CNPPD1: variants seen among roughly 807,000 people sequenced by gnomAD.
CNPPD1 encodes protein CNPPD1.
CNPPD1 carries 40 observed loss-of-function variants against 43.7 expected under a neutral mutation model. The observed-to-expected ratio is 0.92, with a 90% CI of 0.71 to 1.19. The LOEUF is 1.19. Ranked by LOEUF, CNPPD1 falls within the 50% of genes most tolerant of loss-of-function variation. The probability of loss-of-function intolerance (pLI) is 0.00; values close to 1 mark genes in which losing one functional copy is unlikely to be tolerated. For synonymous variants in CNPPD1, 208 were observed against 214.3 expected (o/e 0.97, Z 0.26); for missense variants, 511 against 518.5 (o/e 0.99, Z 0.14).
rs1225263548 is a variant in CNPPD1 at position 219,176,888 on chromosome 2, G to C, written c.-60C>G. ...GAAGGAAACGAGTTGTAGGGGGCTC[G>C]CGGAGCTGTCCTTGCCCGCCTGTCC... On this transcript the variant is annotated 5_prime_UTR_variant, in exon 1 of 8. Coordinates refer to ENST00000360507, the MANE Select transcript of CNPPD1 (RefSeq NM_015680.6). 7.0e-7 allele frequency: 1 copy of C among 1,430,418 alleles called. No homozygotes were observed. The highest frequency in any genetic ancestry group is 1.4e-5 in the African/African-American group (1 of 70,194). The allele number at this position is 1,430,418 out of a possible 1,614,324, so 88.6% of individuals were successfully genotyped here.
At position 219,175,217 on chromosome 2, in the gene CNPPD1, C is replaced by T. The variant is rs61153617; in HGVS notation, c.261-109G>A. On this transcript the variant is annotated intron_variant, in intron 3 of 7. Coordinates refer to ENST00000360507, the MANE Select transcript of CNPPD1 (RefSeq NM_015680.6). Reference sequence around the variant, plus strand: ...TCTTATCTTTGGAAAAAAACTATTCCTGGCTGGGCACGGTGGCTCATGTCT... The same window carrying T: ...TCTTATCTTTGGAAAAAAACTATTCTTGGCTGGGCACGGTGGCTCATGTCT... The T allele has an allele frequency of 4.5e-3, 6,308 of 1,386,566 alleles. 257 individuals are homozygous for T. In the African/African-American group the frequency reaches 0.082, roughly 18 times the overall value. 85.9% of individuals were successfully genotyped at this position (1,386,566 alleles called of 1,614,324 possible). A position where few individuals can be genotyped will look rare whatever the true frequency, so the allele number is the denominator to read the frequency against.
chr2:219,177,236 G>A (rs540819308), upstream of CNPPD1: 919 of 170,250 alleles, frequency 5.4e-3, 9 homozygotes, highest in African/African-American at 0.021. Context: ...ATCTGGCCCA[G>A]CCTCCCGCCC....
rs766143630 is a variant in CNPPD1, at chr2:219,173,134, GGA to G, written c.691-8_691-7del. The G allele has an allele frequency of 3.2e-6, 5 of 1,561,638 alleles. No individual in the cohort carries two copies. The highest frequency in any genetic ancestry group is 1.4e-5 in the African/African-American group (1 of 73,446). ...ACAGCTAACAGGCAAGACAGCTGCA[GGA>G]GAGGAGATAAGAAAGAAGGAATCTG... On this transcript the variant is annotated splice_region_variant and splice_polypyrimidine_tract_variant and intron_variant, in intron 7 of 7. Transcript: ENST00000360507.
chr2:219,175,699 T>G, intron 2 of CNPPD1, 27 bp from the exon 3 acceptor site: 2 of 1,608,122 alleles, frequency 1.2e-6, no homozygotes, highest in South Asian at 1.1e-5. Flanking sequence ...GAAGGCCGAG[T>G]GAGCAAACAA....
chr2:219,175,276 G>A (rs1950140821), intron 3 of CNPPD1, among the ~76,000 whole-genome samples, 168 bp from the exon 4 acceptor site: 1 of 152,110 alleles, frequency 6.6e-6, no homozygotes, highest in South Asian at 2.1e-4. Context: ...CAAGGTGGGT[G>A]GACTGACACC....
chr2:219,174,600 C>T (rs764914891), intron 5 of CNPPD1, among the ~76,000 whole-genome samples, 178 bp downstream of exon 5: 29 of 152,092 alleles, frequency 1.9e-4, no homozygotes, highest in East Asian at 7.7e-4. Context: ...TACTGCTCTA[C>T]GAATCTCCAA....
chr2:219,177,164 C>T (rs1479419739), upstream of CNPPD1: 3 of 248,150 alleles, frequency 1.2e-5, no homozygotes, highest in Non-Finnish European at 2.3e-5. Flanking sequence ...CCGCGTCCGC[C>T]CGGCGTTTAC....
At position 219,174,996 on chromosome 2, in the gene CNPPD1, T is replaced by G. The variant is rs746804274; in HGVS notation, c.373A>C (p.Ile125Leu). 1.9e-6 allele frequency: 3 copies of G among 1,613,812 alleles called. No individual in the cohort carries two copies. The highest frequency in any genetic ancestry group is 1.7e-5 in the Admixed American group (1 of 59,992). ...GGGAGGGGGTGTCTTACCATGGAGATCAGGAACAAGTCAGAGGATGACACA... is the reference window on the plus strand; with the variant it reads ...GGGAGGGGGTGTCTTACCATGGAGAGCAGGAACAAGTCAGAGGATGACACA... ...QHVSSSDLFLISMMVASKYLY... is the reference protein window; with the variant it reads ...QHVSSSDLFLLSMMVASKYLY... Residue 125 changes from isoleucine to leucine, a missense_variant, in exon 4 of 8, where the codon ATC becomes CTC. Coordinates refer to ENST00000360507, the MANE Select transcript of CNPPD1 (RefSeq NM_015680.6).
rs746804274 is a variant in CNPPD1, at chr2:219,174,996, T to C, written c.373A>G (p.Ile125Val). The C allele has an allele frequency of 1.9e-6, 3 of 1,613,694 alleles. No homozygotes were observed. The highest frequency in any genetic ancestry group is 2.5e-6 in the Non-Finnish European group (3 of 1,179,950). ...QHVSSSDLFL[I>V]SMMVASKYLY... ...GGGAGGGGGTGTCTTACCATGGAGATCAGGAACAAGTCAGAGGATGACACA... is the reference window on the plus strand; with the variant it reads ...GGGAGGGGGTGTCTTACCATGGAGACCAGGAACAAGTCAGAGGATGACACA... The change falls in exon 4 of 8, where the codon ATC becomes GTC. Residue 125 changes from isoleucine to valine, a missense_variant. Ile to Val is a conservative substitution (Grantham distance 29). Coordinates refer to ENST00000360507, the MANE Select transcript of CNPPD1 (RefSeq NM_015680.6).
intron 6 of CNPPD1, 150 bp downstream of exon 6, chr2:219,173,996 G>T: frequency 4.0e-6 from 3 of 758,428 alleles, no homozygotes; most frequent in Middle Eastern, 3.6e-4. Flanking sequence ...ATGAAGAAGA[G>T]GACAGATGGG....
Position 219,176,303 on chromosome 2 carries a change from G to A in CNPPD1, c.98C>T (p.Ala33Val), listed in dbSNP as rs533871948. The A allele has an allele frequency of 1.2e-6, 2 of 1,614,162 alleles. No homozygotes were observed. The highest frequency in any genetic ancestry group is 2.2e-5 in the East Asian group (1 of 44,878). The change falls in exon 2 of 8, where the codon GCC becomes GTC. Residue 33 changes from alanine (A) to valine (V), a missense_variant. Physicochemically the swap from Ala to Val is moderately conservative, Grantham distance 64 (BLOSUM62 0). Transcript: ENST00000360507. ...TFLPGHQKLS[A>V]RIRRRLYYGW... ...ATAGTAGAGCCTCCTTCGGATCCGG[G>A]CACTCAGCTTCTGGTGTCCTGGGAG... is the stretch of plus-strand genomic sequence containing the variant.
Position 219,175,103 on chromosome 2 carries a change from G to T in CNPPD1, c.266C>A (p.Ala89Glu), listed in dbSNP as rs1208745864. The part of the protein sequence containing the change: ...KKYVAHVSRE[A>E]CISPCAMMLA... Reference sequence around the variant, plus strand: ...CATCATAGCACATGGGGAGATGCATGCCTCCCTGGGTGGTAGAAAGGATCA... The same window carrying T: ...CATCATAGCACATGGGGAGATGCATTCCTCCCTGGGTGGTAGAAAGGATCA... Residue 89 changes from alanine to glutamate, a missense_variant, in exon 4 of 8, where the codon GCA (alanine) becomes GAA (glutamate). Transcript: ENST00000360507. The T allele has an allele frequency of 3.8e-6, 6 of 1,597,362 alleles. No homozygotes were observed. The Admixed American group carries it at 1.0e-4, about 27-fold the overall frequency.
At chr2:219,176,695 G>C in intron 1 of CNPPD1, 65 bp downstream of exon 1, 7 of 1,262,112 alleles carry the variant, frequency 5.5e-6, no homozygotes, top group Non-Finnish European at 7.8e-6. Context: ...AGGCGAGCTC[G>C]CAGCGCCGCT....
intron 2 of CNPPD1, 22 bp downstream of exon 2, chr2:219,176,201 C>A (rs749003045): frequency 6.5e-7 from 1 of 1,540,914 alleles, no homozygotes; most frequent in Non-Finnish European, 9.0e-7. Flanking sequence ...CTCACTTGTC[C>A]AGTCACACAA....
At position 219,176,290 on chromosome 2, in the gene CNPPD1, C is replaced by T. The variant is rs201569808; in HGVS notation, c.111G>A (p.Arg37=). Residue 37 remains arginine (R), a synonymous_variant, in exon 2 of 8, where the codon AGG becomes AGA. Coordinates refer to ENST00000360507, the MANE Select transcript of CNPPD1 (RefSeq NM_015680.6). ...CCCAGTCCCAGCCATAGTAGAGCCT[C>T]CTTCGGATCCGGGCACTCAGCTTCT... ...GHQKLSARIR[R]RLYYGWDWEA... The T allele has an allele frequency of 1.2e-5, 20 of 1,614,076 alleles. No individual in the cohort carries two copies. The highest frequency in any genetic ancestry group is 1.7e-5 in the Non-Finnish European group (20 of 1,180,030).
rs934829684 is a variant in CNPPD1 at position 219,175,493 on chromosome 2, T to TC, written c.260+97dup. 13 of 1,077,674 alleles carry TC rather than the reference T, an allele frequency of 1.2e-5. No individual in the cohort carries two copies. The African/African-American group carries it at 2.0e-4, about 16-fold the overall frequency. 66.8% of individuals were successfully genotyped at this position (1,077,674 alleles called of 1,614,324 possible). A position where few individuals can be genotyped will look rare whatever the true frequency, so the allele number is the denominator to read the frequency against. The stretch of plus-strand genomic sequence containing the variant: ...GCCTGGGTGACAAAGTGAGACTGTC[T>TC]CAAAAAAAAAAAAAAGAAAGAAAGA... On this transcript the variant is annotated intron_variant, in intron 3 of 7. Coordinates refer to ENST00000360507, the MANE Select transcript of CNPPD1 (RefSeq NM_015680.6).
intron 1 of CNPPD1, 132 bp from the exon 2 acceptor site, chr2:219,176,463 C>T (rs1302787593): frequency 7.2e-6 from 5 of 694,100 alleles, no homozygotes; most frequent in Non-Finnish European, 1.2e-5. Flanking sequence ...TACCCAGACC[C>T]GCGTTCTGTA....
At chr2:219,175,547 C>G (rs769393487) in intron 3 of CNPPD1, 44 bp downstream of exon 3, 1 of 1,484,168 alleles carries the variant, frequency 6.7e-7, no homozygotes. Context: ...TCCCCTTTCT[C>G]TAGGGCCCAA....
In CNPPD1 at chr2:219,172,947, G is replaced by C; in HGVS notation, c.872C>G (p.Ser291Cys). Residue 291 changes from serine (S) to cysteine (C), a missense_variant, in exon 8 of 8, where the codon TCT (serine) becomes TGT (cysteine). Transcript: ENST00000360507. Reference sequence around the variant, plus strand: ...CAGGCAGCTGGAGACATTAGCGAGAGACGGCAGGCATTGTGGCACAGAAGG... The same window carrying C: ...CAGGCAGCTGGAGACATTAGCGAGACACGGCAGGCATTGTGGCACAGAAGG... Reference protein sequence around the residue: ...CIPSVPQCLPSLANVSSCLEG... With the variant: ...CIPSVPQCLPCLANVSSCLEG... The C allele has an allele frequency of 6.2e-7, 1 of 1,613,938 alleles. No homozygotes were observed. The highest frequency in any genetic ancestry group is 8.5e-7 in the Non-Finnish European group (1 of 1,179,926).
Sources: allele counts gnomAD v4.1 joint callset (sites outside exome capture counted in the v4.1 genomes callset), GRCh38; gene constraint gnomAD v4.1.1; transcripts MANE v1.5; gene names NCBI Gene and HGNC (gene_info 2026-07-23, HGNC 2026-07-21).